Variants in TMEM236 observed in about 807,000 individuals in gnomAD.
TMEM236 encodes the protein family with sequence similarity 23, member A.
A neutral mutation model predicts 14.7 loss-of-function variants in TMEM236; 11 were observed. The observed-to-expected ratio is 0.75, with a 90% CI of 0.47 to 1.24. The LOEUF is 1.24. Among genes scored for constraint, TMEM236 ranks in the 50% most tolerant of loss-of-function variants. TMEM236 has a pLI of 0.00. For synonymous variants in TMEM236, 182 were observed against 168.6 expected (o/e 1.08, Z -0.62); for missense variants, 464 against 427.3 (o/e 1.09, Z -0.76).
chr10:17,785,178 G>A (rs1393286176), intron 3 of TMEM236, among the ~76,000 whole-genome samples: 2 of 152,170 alleles, frequency 1.3e-5, no homozygotes, highest in African/African-American at 4.8e-5. Context: ...CTAAGCTATT[G>A]CCATTGAATC....
intron 1 of TMEM236, among the ~76,000 whole-genome samples, chr10:17,758,770 C>T (rs1837317014): frequency 1.3e-5 from 2 of 152,070 alleles, no homozygotes; most frequent in South Asian, 4.2e-4. Context: ...AGTAATATTC[C>T]TCGATTTTGG....
chr10:17,752,322 C>G lies in TMEM236; in HGVS notation c.27C>G (p.Phe9Leu), dbSNP rs954131766. ...TGGCTTCTGGAAGGCTCATTAAGTT[C>G]GTGGTTTTTGAGCTCCTAGAGTTTG... MASGRLIKFVVFELLEFAA... is the reference protein window; with the variant it reads MASGRLIKLVVFELLEFAA... The change falls in exon 1 of 4, where the codon TTC becomes TTG. Residue 9 changes from phenylalanine (F) to leucine (L), a missense_variant. Physicochemically the swap from Phe to Leu is conservative, Grantham distance 22. Coordinates refer to ENST00000377495, the MANE Select transcript of TMEM236 (RefSeq NM_001098844.3). 6.2e-7 allele frequency: 1 copy of G among 1,613,706 alleles called. No individual in the cohort carries two copies. The highest frequency in any genetic ancestry group is 1.7e-5 in the Admixed American group (1 of 59,976).
At chr10:17,753,786 A>G (rs1486659903) in intron 1 of TMEM236, among the ~76,000 whole-genome samples, 1 of 152,266 alleles carries the variant, frequency 6.6e-6, no homozygotes. Flanking sequence ...GCTGAGTCGA[A>G]TGGTATTTCT....
chr10:17,768,400 TTAAA>T (rs1304342537), intron 1 of TMEM236, among the ~76,000 whole-genome samples: 2 of 152,132 alleles, frequency 1.3e-5, no homozygotes, highest in Non-Finnish European at 2.9e-5. Flanking sequence ...TACAATTTTT[TTAAA>T]AAAGACTTTA....
intron 1 of TMEM236, among the ~76,000 whole-genome samples, chr10:17,768,089 T>TG (rs1182467520): frequency 8.1e-6 from 1 of 123,896 alleles, no homozygotes; most frequent in East Asian, 2.1e-4. Context: ...TTTTGTGGTT[T>TG]TTTTTTTTTT....
chr10:17,777,269 C>T (rs1837673563), intron 3 of TMEM236, among the ~76,000 whole-genome samples: 1 of 152,188 alleles, frequency 6.6e-6, no homozygotes, highest in South Asian at 2.1e-4. Context: ...TCTGTTATGG[C>T]TAACATAACA....
intron 3 of TMEM236, among the ~76,000 whole-genome samples, chr10:17,783,591 A>T (rs1452338672): frequency 1.3e-5 from 2 of 152,168 alleles, no homozygotes; most frequent in Non-Finnish European, 2.9e-5. Context: ...ATAGATGGCT[A>T]TTTCCTTAGG....
Position 17,796,166 on chromosome 10 carries a change from T to C in TMEM236, c.718T>C (p.Trp240Arg). The C allele has an allele frequency of 1.9e-6, 3 of 1,613,964 alleles. No homozygotes were observed. Among genetic ancestry groups the C allele is most frequent in the Non-Finnish European group, 1.7e-6 (2 of 1,179,862 alleles). ...RRDVRAELFLWSFLLWSDTIE... is the reference protein window; with the variant it reads ...RRDVRAELFLRSFLLWSDTIE... The stretch of plus-strand genomic sequence containing the variant: ...AGATGTCCGGGCAGAGTTATTCTTA[T>C]GGAGCTTTCTCCTGTGGTCTGACAC... Residue 240 changes from tryptophan to arginine, a missense_variant, in exon 4 of 4, where the codon TGG becomes CGG. Physicochemically the swap from Trp to Arg is moderately radical, Grantham distance 101. Transcript: ENST00000377495.
intron 1 of TMEM236, among the ~76,000 whole-genome samples, chr10:17,755,691 G>C (rs1177732818): frequency 6.6e-6 from 1 of 152,114 alleles, no homozygotes; most frequent in Non-Finnish European, 1.5e-5. Flanking sequence ...ATTCCTGGCT[G>C]GGTTGGAATT....
At chr10:17,781,539 A>T (rs1407029231) in intron 3 of TMEM236, among the ~76,000 whole-genome samples, 3 of 152,190 alleles carry the variant, frequency 2.0e-5, no homozygotes, top group East Asian at 3.9e-4. Flanking sequence ...TGAGGTCAGG[A>T]GTTTGAGACC....
At chr10:17,791,636 G>T (rs993213697) in intron 3 of TMEM236, among the ~76,000 whole-genome samples, 1 of 152,048 alleles carries the variant, frequency 6.6e-6, no homozygotes, top group Non-Finnish European at 1.5e-5. Flanking sequence ...CTTTCTTTCA[G>T]TTCCTGCTAG....
At position 17,796,802 on chromosome 10, in the gene TMEM236, G is replaced by C; in HGVS notation, c.*298G>C. On this transcript the variant is annotated 3_prime_UTR_variant, in exon 4 of 4. Coordinates refer to ENST00000377495, the MANE Select transcript of TMEM236 (RefSeq NM_001098844.3). Reference sequence around the variant, plus strand: ...CCCCAACCCCTGGACCATGGTCCCAGTACTGGTCCGTGATCTGTTAGCAAG... The same window carrying C: ...CCCCAACCCCTGGACCATGGTCCCACTACTGGTCCGTGATCTGTTAGCAAG... 2.6e-6 allele frequency: 1 copy of C among 389,524 alleles called. No individual in the cohort carries two copies. Among genetic ancestry groups the C allele is most frequent in the Non-Finnish European group, 4.8e-6 (1 of 210,508 alleles). 24.1% of individuals were successfully genotyped at this position (389,524 alleles called of 1,614,324 possible).
intron 2 of TMEM236, among the ~76,000 whole-genome samples, chr10:17,771,724 A>G (rs1474839479): frequency 6.6e-6 from 1 of 152,260 alleles, no homozygotes; most frequent in African/African-American, 2.4e-5. Context: ...GTAAATGAAT[A>G]CAACAAGATC....
chr10:17,779,187 C>T (rs1837708257), intron 3 of TMEM236, among the ~76,000 whole-genome samples: 1 of 152,176 alleles, frequency 6.6e-6, no homozygotes. Flanking sequence ...GCTCATTTAG[C>T]ATTGCAACCA....
In TMEM236 at chr10:17,752,550, A is replaced by G; in HGVS notation, c.255A>G (p.Gly85=). Residue 85 remains glycine, a splice_region_variant and synonymous_variant, in exon 1 of 4, where the codon GGA becomes GGG. Coordinates refer to ENST00000377495, the MANE Select transcript of TMEM236 (RefSeq NM_001098844.3). ...KKRYIYRKIK[G]WRPVLMMCVV... ...GTTATATTTACAGAAAAATTAAAGGATGGTAAGTAAAAGAATTTTCTTTTT... is the reference window on the plus strand; with the variant it reads ...GTTATATTTACAGAAAAATTAAAGGGTGGTAAGTAAAAGAATTTTCTTTTT... 1 of 1,613,410 alleles carries G rather than the reference A, an allele frequency of 6.2e-7. No homozygotes were observed. The highest frequency in any genetic ancestry group is 8.5e-7 in the Non-Finnish European group (1 of 1,179,448).
At chr10:17,784,965 T>G (rs1837810220) in intron 3 of TMEM236, among the ~76,000 whole-genome samples, 1 of 152,046 alleles carries the variant, frequency 6.6e-6, no homozygotes, top group South Asian at 2.1e-4. Flanking sequence ...ATAATGTGAT[T>G]TTTTTCCTCA....
intron 1 of TMEM236, among the ~76,000 whole-genome samples, chr10:17,758,809 G>A (rs1458186664): frequency 1.3e-5 from 2 of 152,166 alleles, no homozygotes; most frequent in Non-Finnish European, 2.9e-5. Flanking sequence ...TTTATTCTTT[G>A]AGAAGAATGA....
intron 3 of TMEM236, among the ~76,000 whole-genome samples, chr10:17,788,414 AG>A (rs1398190650): frequency 6.6e-6 from 1 of 151,648 alleles, no homozygotes; most frequent in Non-Finnish European, 1.5e-5. Flanking sequence ...GTCGAGTGTT[AG>A]ATAAGTCTGT....
chr10:17,796,340 G>C lies in TMEM236; in HGVS notation c.892G>C (p.Asp298His), dbSNP rs976317974. ...CAATTCCCTGAGCGTCCTGCTGCAA[G>C]ATTTACCATTCGTTTTTGTTAGACT... is the stretch of plus-strand genomic sequence containing the variant. The part of the protein sequence containing the change: ...LLNSLSVLLQ[D>H]LPFVFVRLGL... The change falls in exon 4 of 4, where the codon GAT (aspartate) becomes CAT (histidine). Residue 298 changes from aspartate (D) to histidine (H), a missense_variant. Asp to His is a moderately conservative substitution (Grantham distance 81, BLOSUM62 -1). Coordinates refer to ENST00000377495, the MANE Select transcript of TMEM236 (RefSeq NM_001098844.3). 47 of 1,613,940 alleles carry C rather than the reference G, an allele frequency of 2.9e-5. No individual in the cohort carries two copies. In the African/African-American group the frequency reaches 3.5e-4, roughly 12 times the overall value.
Sources: allele counts gnomAD v4.1 joint callset (sites outside exome capture counted in the v4.1 genomes callset), GRCh38; gene constraint gnomAD v4.1.1; transcripts MANE v1.5; gene names NCBI Gene and HGNC (gene_info 2026-07-23, HGNC 2026-07-21).